SIRT5: variants seen among roughly 807,000 people sequenced by gnomAD.
SIRT5 encodes NAD-dependent protein deacylase sirtuin-5, mitochondrial.
A neutral mutation model predicts 40.0 loss-of-function variants in SIRT5; 26 were observed. The ratio of observed to expected loss-of-function variants is 0.65; its 90% CI spans 0.48 to 0.90. SIRT5 has a LOEUF of 0.90. SIRT5 is among the 40% of genes least tolerant of loss of function. The pLI, the probability that SIRT5 is intolerant of heterozygous loss-of-function variation, is 0.00. For synonymous variants in SIRT5, 146 were observed against 149.1 expected (o/e 0.98, Z 0.15); for missense variants, 401 against 402.4 (o/e 1.00, Z 0.03).
intron 3 of SIRT5, among the ~76,000 whole-genome samples, chr6:13,585,692 G>A (rs1440497066): frequency 8.5e-5 from 13 of 152,202 alleles, no homozygotes; most frequent in African/African-American, 2.4e-4. Context: ...GAATAGTGCC[G>A]CAATAAACAT....
chr6:13,595,400 C>G (rs750631164), intron 5 of SIRT5, 77 bp from the exon 6 acceptor site: 2 of 1,123,782 alleles, frequency 1.8e-6, no homozygotes, highest in Non-Finnish European at 2.7e-6. Flanking sequence ...AATAAAGTAT[C>G]TTATACCCTT....
rs150305349 is a variant in SIRT5, at chr6:13,615,141, C to T, written c.*3276C>T. On this transcript the variant is annotated 3_prime_UTR_variant, in exon 10 of 10. Transcript: ENST00000606117. ...TTGCCAGCCGCTTTCGCCGGCAGAGCATTTTCCGTGGGGTCCATCCGGCTC... is the reference window on the plus strand; with the variant it reads ...TTGCCAGCCGCTTTCGCCGGCAGAGTATTTTCCGTGGGGTCCATCCGGCTC... 5.7e-5 allele frequency: 29 copies of T among 512,776 alleles called. No homozygotes were observed. The East Asian group carries it at 9.5e-4, about 17-fold the overall frequency. 31.8% of individuals were successfully genotyped at this position (512,776 alleles called of 1,614,324 possible).
chr6:13,604,564 AAG>A (rs1336560157), intron 9 of SIRT5: 47 of 1,582,160 alleles, frequency 3.0e-5, no homozygotes, highest in Non-Finnish European at 3.9e-5. Context: ...GATAGAGAAA[AAG>A]AAGAAAATAA....
chr6:13,598,517 A>G (rs1332540229), intron 7 of SIRT5, among the ~76,000 whole-genome samples: 1 of 152,178 alleles, frequency 6.6e-6, no homozygotes, highest in African/African-American at 2.4e-5. Context: ...CATCAAGTAC[A>G]TACAGACAAG....
chr6:13,595,447 T>G (rs760365829), intron 5 of SIRT5, 30 bp from the exon 6 acceptor site: 1 of 1,533,598 alleles, frequency 6.5e-7, no homozygotes, highest in East Asian at 2.2e-5. Flanking sequence ...TTATACTAAA[T>G]TCTGGATTTG....
Position 13,612,050 on chromosome 6 carries a change from A to G in SIRT5, c.*185A>G. The G allele has an allele frequency of 2.1e-6, 1 of 468,860 alleles. No homozygotes were observed. The highest frequency in any genetic ancestry group is 3.8e-6 in the Non-Finnish European group (1 of 263,220). 29.0% of individuals were successfully genotyped at this position (468,860 alleles called of 1,614,324 possible). ...AAGTAGCAAAGAGCACCCACATTCAAAAGTCACAGAACTGGAAAGTTAATT... is the reference window on the plus strand; with the variant it reads ...AAGTAGCAAAGAGCACCCACATTCAGAAGTCACAGAACTGGAAAGTTAATT... On this transcript the variant is annotated 3_prime_UTR_variant, in exon 10 of 10. Transcript: ENST00000606117.
chr6:13,575,129 C>T (rs908571194), intron 1 of SIRT5, among the ~76,000 whole-genome samples: 3 of 152,130 alleles, frequency 2.0e-5, no homozygotes, highest in African/African-American at 7.2e-5. Flanking sequence ...GGGGAGGCGG[C>T]TTGAGGACGG....
intron 6 of SIRT5, 135 bp from the exon 7 acceptor site, chr6:13,596,828 C>T: frequency 1.5e-6 from 1 of 665,888 alleles, no homozygotes; most frequent in Non-Finnish European, 2.5e-6. Flanking sequence ...TTCTAATGCC[C>T]TTCCAAGTGA....
chr6:13,604,684 T>C, intron 9 of SIRT5: 7 of 1,394,110 alleles, frequency 5.0e-6, no homozygotes, highest in Non-Finnish European at 5.5e-6. Context: ...TGTGTCTTCA[T>C]GTGAAAGAAA....
intron 5 of SIRT5, among the ~76,000 whole-genome samples, chr6:13,592,421 ATCTTGGGG>A (rs1293151636): frequency 6.6e-6 from 1 of 152,194 alleles, no homozygotes; most frequent in Non-Finnish European, 1.5e-5. Context: ...AGACTGCAGC[ATCTTGGGG>A]TCTCCTGTCA....
chr6:13,582,355 G>C (rs1295554536), intron 2 of SIRT5, among the ~76,000 whole-genome samples: 1 of 151,902 alleles, frequency 6.6e-6, no homozygotes, highest in Non-Finnish European at 1.5e-5. Context: ...TACAATTGTG[G>C]TAAAACACAT....
intron 2 of SIRT5, 81 bp downstream of exon 2, chr6:13,579,690 CAG>C (rs1759083957): frequency 6.6e-6 from 1 of 152,176 alleles, no homozygotes; most frequent in Admixed American, 6.5e-5. Context: ...AGGCAGTATT[CAG>C]AGTTTTGATC....
At chr6:13,576,225 T>C (rs1758617561) in intron 1 of SIRT5, among the ~76,000 whole-genome samples, 1 of 152,242 alleles carries the variant, frequency 6.6e-6, no homozygotes, top group African/African-American at 2.4e-5. Flanking sequence ...TTGAGGAGCC[T>C]CCATACTGTT....
chr6:13,579,375 C>CT (rs1469533678), intron 1 of SIRT5, 76 bp from the exon 2 acceptor site: 1 of 152,000 alleles, frequency 6.6e-6, no homozygotes, highest in African/African-American at 2.4e-5. Flanking sequence ...TTCTTAATGA[C>CT]TTTTACAATC....
rs1764013228 is a variant in SIRT5 at position 13,612,308 on chromosome 6, G to C, written c.*443G>C. 1 of 151,326 alleles carries C rather than the reference G, an allele frequency of 6.6e-6. No individual in the cohort carries two copies. The highest frequency in any genetic ancestry group is 2.1e-4 in the South Asian group (1 of 4,800). The allele number at this position is 151,326 out of a possible 1,614,324, so 9.4% of individuals were successfully genotyped here. On this transcript the variant is annotated 3_prime_UTR_variant, in exon 10 of 10. Transcript: ENST00000606117. ...TACAGTAGGTAATTTATTGTATAAA[G>C]ACATTACCCCACGATATGGCTTTAT...
At chr6:13,598,555 C>T (rs973490859) in intron 7 of SIRT5, among the ~76,000 whole-genome samples, 2 of 152,084 alleles carry the variant, frequency 1.3e-5, no homozygotes, top group African/African-American at 2.4e-5. Context: ...TTCTGCAGGG[C>T]GCGGTGGCTC....
In SIRT5 at chr6:13,612,340, CT is replaced by C. The variant is rs368093809; in HGVS notation, c.*492del. On this transcript the variant is annotated 3_prime_UTR_variant, in exon 10 of 10. Coordinates refer to ENST00000606117, the MANE Select transcript of SIRT5 (RefSeq NM_012241.5). ...CCCCACGATATGGCTTTATTAGGGACTTTTTTTTTTTTTTTTTGAGACAGAG... is the reference window on the plus strand; with the variant it reads ...CCCCACGATATGGCTTTATTAGGGACTTTTTTTTTTTTTTTTGAGACAGAG... The C allele has an allele frequency of 3.4e-3, 450 of 133,408 alleles. No homozygotes were observed. Among genetic ancestry groups the C allele is most frequent in the South Asian group, 0.02 (85 of 4,208 alleles). The allele number at this position is 133,408 out of a possible 1,614,324, so 8.3% of individuals were successfully genotyped here.
intron 3 of SIRT5, among the ~76,000 whole-genome samples, chr6:13,586,040 TC>T (rs1357800029): frequency 4.6e-5 from 7 of 152,254 alleles, no homozygotes; most frequent in African/African-American, 1.7e-4. Context: ...ATAAATGTCT[TC>T]TTTTGAGAAG....
chr6:13,598,321 T>C (rs973989085), intron 7 of SIRT5, among the ~76,000 whole-genome samples: 4 of 152,102 alleles, frequency 2.6e-5, no homozygotes, highest in African/African-American at 9.7e-5. Context: ...GAAAGCTGGC[T>C]ACATACTGGG....
Sources: allele counts gnomAD v4.1 joint callset (sites outside exome capture counted in the v4.1 genomes callset), GRCh38; gene constraint gnomAD v4.1.1; transcripts MANE v1.5; gene names NCBI Gene and HGNC (gene_info 2026-07-23, HGNC 2026-07-21).